STK33: variants seen among roughly 807,000 people sequenced by gnomAD.
STK33 encodes the protein serine/threonine-protein kinase 33.
Under a neutral mutation model 58.0 loss-of-function variants are expected in STK33, and 52 were observed. The observed-to-expected ratio is 0.90, with a 90% CI of 0.72 to 1.13. The LOEUF (loss-of-function observed/expected upper bound fraction) is 1.13. Ranked by LOEUF, STK33 falls within the 50% of genes most tolerant of loss-of-function variation. The pLI is 0.00. For missense variants in STK33, 630 were observed against 604.2 expected, an observed-to-expected ratio of 1.04 and a Z score of -0.45; for synonymous variants, 215 against 200.1, an observed-to-expected ratio of 1.07 and a Z score of -0.63.
chr11:8,560,686 A>G (rs968514180), intron 1 of STK33, among the ~76,000 whole-genome samples: 6 of 152,196 alleles, frequency 3.9e-5, no homozygotes, highest in African/African-American at 1.4e-4. Context: ...AAATAATAAT[A>G]AACAATTGGT....
intron 1 of STK33, among the ~76,000 whole-genome samples, chr11:8,534,568 C>CTCTCTCTCTGTGTGTGTGTG (rs1402710450): frequency 2.9e-5 from 3 of 104,738 alleles, no homozygotes; most frequent in African/African-American, 1.2e-4. Flanking sequence ...CTCTCTCTCT[C>CTCTCTCTCTGTGTGTGTGTG]TGTGTGTGTG....
intron 15 of STK33, among the ~76,000 whole-genome samples, chr11:8,413,245 T>C (rs1481335952): frequency 6.6e-6 from 1 of 152,224 alleles, no homozygotes; most frequent in Non-Finnish European, 1.5e-5. Context: ...GCCTAAAATA[T>C]TTACTGTTTG....
intron 1 of STK33, among the ~76,000 whole-genome samples, chr11:8,569,367 A>G (rs1957651797): frequency 1.3e-5 from 2 of 152,270 alleles, no homozygotes; most frequent in Admixed American, 6.5e-5. Flanking sequence ...CAACACAAGA[A>G]AAGTCTTCAA....
intron 14 of STK33, among the ~76,000 whole-genome samples, chr11:8,430,446 T>C (rs1382069699): frequency 1.3e-5 from 2 of 152,028 alleles, no homozygotes; most frequent in East Asian, 1.9e-4. Flanking sequence ...GGAAGAAGAA[T>C]TGTCTTAGGC....
intron 1 of STK33, among the ~76,000 whole-genome samples, chr11:8,589,038 G>A (rs990882952): frequency 4.6e-5 from 7 of 152,176 alleles, no homozygotes; most frequent in Non-Finnish European, 7.4e-5. Context: ...AAGCTATGGA[G>A]AAATGAGAAT....
At chr11:8,516,689 C>T (rs1313363212) in intron 1 of STK33, among the ~76,000 whole-genome samples, 2 of 152,238 alleles carry the variant, frequency 1.3e-5, no homozygotes, top group East Asian at 1.9e-4. Flanking sequence ...GATTATATCC[C>T]GTGCCTGGCT....
At chr11:8,552,309 T>C (rs1233058611) in intron 1 of STK33, among the ~76,000 whole-genome samples, 2 of 152,212 alleles carry the variant, frequency 1.3e-5, no homozygotes, top group African/African-American at 4.8e-5. Flanking sequence ...AGTTCTGGTA[T>C]ATTCAGGGTG....
chr11:8,435,518 T>A lies in STK33; in HGVS notation c.1122A>T (p.Glu374Asp). 6.7e-7 allele frequency: 1 copy of A among 1,501,276 alleles called. No homozygotes were observed. The highest frequency in any genetic ancestry group is 9.0e-7 in the Non-Finnish European group (1 of 1,113,856). 93.0% of individuals were successfully genotyped at this position (1,501,276 alleles called of 1,614,324 possible). A position where few individuals can be genotyped will look rare whatever the true frequency, so the allele number is the denominator to read the frequency against. The change falls in exon 14 of 16, where the codon GAA becomes GAT. Residue 374 changes from glutamate (E) to aspartate (D), a missense_variant. Coordinates refer to ENST00000687296, the MANE Select transcript of STK33 (RefSeq NM_001352389.2). The part of the protein sequence containing the change: ...VDPAHRITAK[E>D]LLDNQWLTGN... ...CTGTTAACCACTGGTTATCTAGTAG[T>A]TCCTTAGCTGTGATTCTGTGAGCAG...
chr11:8,509,548 G>A (rs192729802), intron 1 of STK33, among the ~76,000 whole-genome samples: 43 of 152,224 alleles, frequency 2.8e-4, no homozygotes, highest in African/African-American at 9.6e-4. Flanking sequence ...GGGTACAGGT[G>A]GTTTCTGGTT....
intron 1 of STK33, among the ~76,000 whole-genome samples, chr11:8,485,955 C>T (rs1484939805): frequency 1.3e-5 from 2 of 152,202 alleles, no homozygotes; most frequent in African/African-American, 2.4e-5. Context: ...TCAGTCTCCA[C>T]ATTCAACATT....
chr11:8,523,062 G>C (rs554073923), intron 1 of STK33, among the ~76,000 whole-genome samples: 1 of 152,242 alleles, frequency 6.6e-6, no homozygotes, highest in Non-Finnish European at 1.5e-5. Flanking sequence ...CTGAGCTGCC[G>C]GGATTGCAGA....
At chr11:8,429,286 A>G (rs576842015) in intron 14 of STK33, among the ~76,000 whole-genome samples, 1 of 152,340 alleles carries the variant, frequency 6.6e-6, no homozygotes, top group South Asian at 2.1e-4. Flanking sequence ...AGTTCAACCT[A>G]AAAATATCTG....
chr11:8,470,292 A>T (rs1020684364), intron 6 of STK33, among the ~76,000 whole-genome samples: 10 of 152,152 alleles, frequency 6.6e-5, no homozygotes, highest in African/African-American at 2.4e-4. Flanking sequence ...ACTTTCTTTA[A>T]ACCTCCTGAA....
the STK33 span, among the ~76,000 whole-genome samples, chr11:8,380,876 TA>T: frequency 6.6e-6 from 1 of 152,196 alleles, no homozygotes; most frequent in Admixed American, 6.5e-5. Flanking sequence ...AAATGTGGTA[TA>T]TATACACCGT....
chr11:8,427,827 T>TC (rs1280829392), intron 14 of STK33, among the ~76,000 whole-genome samples: 1 of 152,200 alleles, frequency 6.6e-6, no homozygotes, highest in African/African-American at 2.4e-5. Flanking sequence ...ATCAACATCT[T>TC]CCCTTATCTC....
chr11:8,350,390 G>A, the STK33 span, among the ~76,000 whole-genome samples: 1 of 152,190 alleles, frequency 6.6e-6, no homozygotes, highest in African/African-American at 2.4e-5. Flanking sequence ...GCAGACCCCA[G>A]CCAACAAATG....
At chr11:8,448,856 A>G (rs1304490677) in intron 11 of STK33, among the ~76,000 whole-genome samples, 1 of 151,830 alleles carries the variant, frequency 6.6e-6, no homozygotes, top group Admixed American at 6.6e-5. Context: ...AACCTACGGA[A>G]TGGGAGAAAA....
intron 15 of STK33, among the ~76,000 whole-genome samples, chr11:8,412,586 G>A (rs1940444814): frequency 2.6e-5 from 4 of 152,268 alleles, no homozygotes; most frequent in Middle Eastern, 3.4e-3. Flanking sequence ...TCTGGTCCAG[G>A]ATTTACCCTG....
At chr11:8,481,628 T>G (rs1949810687) in intron 1 of STK33, among the ~76,000 whole-genome samples, 1 of 152,184 alleles carries the variant, frequency 6.6e-6, no homozygotes, top group Non-Finnish European at 1.5e-5. Flanking sequence ...TCACTCCATC[T>G]TGTAGCTTTC....
Sources: allele counts gnomAD v4.1 joint callset (sites outside exome capture counted in the v4.1 genomes callset), GRCh38; gene constraint gnomAD v4.1.1; transcripts MANE v1.5; gene names NCBI Gene and HGNC (gene_info 2026-07-23, HGNC 2026-07-21).